The following FAM76A variants were observed in gnomAD, a reference collection of about 807,000 sequenced individuals.
FAM76A encodes the protein protein FAM76A.
A neutral mutation model predicts 46.2 loss-of-function variants in FAM76A; 32 were observed. That is an observed-to-expected ratio of 0.69 (90% CI 0.52 to 0.93). The LOEUF (loss-of-function observed/expected upper bound fraction) is 0.93. Among genes scored for constraint, FAM76A ranks in the 40% least tolerant of loss-of-function variants. The pLI is 0.00. For missense variants in FAM76A, 274 were observed against 361.5 expected, an observed-to-expected ratio of 0.76 and a Z score of 1.96; for synonymous variants, 137 against 127.0, an observed-to-expected ratio of 1.08 and a Z score of -0.53.
At chr1:27,738,318 C>T (rs907909511) in intron 4 of FAM76A, among the ~76,000 whole-genome samples, 3 of 151,494 alleles carry the variant, frequency 2.0e-5, no homozygotes, top group Admixed American at 6.6e-5. Context: ...GGTGAAACCC[C>T]GTCTCTACTA....
intron 3 of FAM76A, among the ~76,000 whole-genome samples, chr1:27,733,604 T>C (rs997607355): frequency 6.6e-6 from 1 of 152,030 alleles, no homozygotes; most frequent in Non-Finnish European, 1.5e-5. Context: ...TCCCAGCACA[T>C]TGGGAGGCTG....
At chr1:27,756,447 T>A (rs950430684) in intron 7 of FAM76A, among the ~76,000 whole-genome samples, 1 of 151,914 alleles carries the variant, frequency 6.6e-6, no homozygotes, top group Non-Finnish European at 1.5e-5. Context: ...CCTGCCACCA[T>A]GCCTGGCTAA....
chr1:27,744,904 T>C (rs908067037), intron 5 of FAM76A, 93 bp downstream of exon 5: 7 of 1,241,738 alleles, frequency 5.6e-6, no homozygotes, highest in Admixed American at 4.5e-5. Context: ...CCATCTCATA[T>C]ACATTTTCTA....
chr1:27,727,215 G>C (rs2087875625), intron 1 of FAM76A, among the ~76,000 whole-genome samples: 1 of 152,164 alleles, frequency 6.6e-6, no homozygotes, highest in South Asian at 2.1e-4. Flanking sequence ...TTCCCAGTCT[G>C]GGACTTGTTC....
chr1:27,745,269 C>G (rs1557782370), intron 5 of FAM76A, among the ~76,000 whole-genome samples: 3 of 151,972 alleles, frequency 2.0e-5, no homozygotes, highest in Admixed American at 2.0e-4. Flanking sequence ...GGTTCTGGCT[C>G]TGGATGGAAT....
chr1:27,760,346 G>T, intron 8 of FAM76A, 149 bp from the exon 9 acceptor site: 1 of 572,200 alleles, frequency 1.7e-6, no homozygotes, highest in Non-Finnish European at 3.1e-6. Context: ...TCAAGCCCTA[G>T]AGCTTCCTGT....
At position 27,751,888 on chromosome 1, in the gene FAM76A, C is replaced by T. The variant is rs143531466; in HGVS notation, c.599+2734C>T. ...GCGCAATTATGGCTCACTGCAGCCT[C>T]GACCTCCTGGACTCAAACGATCCTC... On this transcript the variant is annotated intron_variant, in intron 6 of 8. Transcript: ENST00000373954. 1.9e-3 allele frequency among the ~76,000 whole-genome samples: 291 copies of T among 152,054 alleles called. 1 individual carries two copies. The highest frequency in any genetic ancestry group is 6.2e-3 in the African/African-American group (257 of 41,488).
intron 7 of FAM76A, among the ~76,000 whole-genome samples, chr1:27,757,533 A>T (rs2088431964): frequency 6.6e-6 from 1 of 151,998 alleles, no homozygotes; most frequent in Non-Finnish European, 1.5e-5. Flanking sequence ...ACAGCCAGCT[A>T]ATTTTTGTAT....
intron 1 of FAM76A, 39 bp from the exon 2 acceptor site, chr1:27,727,433 G>A (rs1314226414): frequency 6.3e-6 from 10 of 1,584,244 alleles, no homozygotes; most frequent in Non-Finnish European, 7.8e-6. Context: ...GTTTCCATTT[G>A]TGACTGCCTT....
At chr1:27,740,760 A>C (rs2088137598) in intron 4 of FAM76A, 1 of 365,884 alleles carries the variant, frequency 2.7e-6, no homozygotes, top group South Asian at 3.1e-5. Flanking sequence ...CTAATGATTA[A>C]AATTGATTGT....
chr1:27,728,656 T>G (rs577132633), intron 2 of FAM76A, among the ~76,000 whole-genome samples: 13 of 152,254 alleles, frequency 8.5e-5, no homozygotes, highest in African/African-American at 3.1e-4. Flanking sequence ...CCTGGGCAAA[T>G]CTCATTTTTA....
Position 27,762,108 on chromosome 1 carries a change from C to T in FAM76A, c.*1527C>T, listed in dbSNP as rs1257704853. 6.6e-6 allele frequency: 1 copy of T among 152,202 alleles called. No homozygotes were observed. The highest frequency in any genetic ancestry group is 2.4e-5 in the African/African-American group (1 of 41,446). 9.4% of individuals were successfully genotyped at this position (152,202 alleles called of 1,614,324 possible). ...CTCCTCACCCACCCGAGCCCATACA[C>T]TCCCTGCTTTTCATGGATATGTATT... On this transcript the variant is annotated 3_prime_UTR_variant, in exon 9 of 9. Coordinates refer to ENST00000373954, the MANE Select transcript of FAM76A (RefSeq NM_152660.3).
At chr1:27,743,889 T>A (rs1486336365) in intron 4 of FAM76A, among the ~76,000 whole-genome samples, 1 of 151,820 alleles carries the variant, frequency 6.6e-6, no homozygotes, top group African/African-American at 2.4e-5. Flanking sequence ...TGTAGTGTAC[T>A]ACAATCACAC....
rs551455260 is a variant in FAM76A, at chr1:27,740,608, A to G, written c.355-4046A>G. On this transcript the variant is annotated intron_variant, in intron 4 of 8. Coordinates refer to ENST00000373954, the MANE Select transcript of FAM76A (RefSeq NM_152660.3). ...GAAATATATGTTCAGAAGCCACTCA[A>G]AAACATTCTCTTGATCAGTGAGACC... The G allele has an allele frequency of 1.9e-5, 14 of 755,354 alleles. No homozygotes were observed. In the African/African-American group the frequency reaches 1.9e-4, roughly 10 times the overall value. The allele number at this position is 755,354 out of a possible 1,614,324, so 46.8% of individuals were successfully genotyped here. A position where few individuals can be genotyped will look rare whatever the true frequency, so the allele number is the denominator to read the frequency against.
chr1:27,756,661 T>C (rs970817652), intron 7 of FAM76A, among the ~76,000 whole-genome samples: 5 of 152,180 alleles, frequency 3.3e-5, no homozygotes, highest in African/African-American at 1.2e-4. Flanking sequence ...CACATTAATA[T>C]CTTCAGAATA....
chr1:27,752,455 T>TA (rs754862165), intron 6 of FAM76A, among the ~76,000 whole-genome samples: 9 of 152,218 alleles, frequency 5.9e-5, no homozygotes, highest in Non-Finnish European at 8.8e-5. Flanking sequence ...CTCTAGAAAA[T>TA]ACACTGGCTA....
chr1:27,743,405 C>G (rs1300912934), intron 4 of FAM76A, among the ~76,000 whole-genome samples: 1 of 152,188 alleles, frequency 6.6e-6, no homozygotes, highest in African/African-American at 2.4e-5. Flanking sequence ...CCACCTGCCT[C>G]AGCTTCCTGA....
intron 2 of FAM76A, among the ~76,000 whole-genome samples, chr1:27,732,098 A>G (rs2087967147): frequency 6.6e-6 from 1 of 152,204 alleles, no homozygotes; most frequent in South Asian, 2.1e-4. Context: ...CTGGGATTAT[A>G]GGCGTGAGCC....
intron 4 of FAM76A, chr1:27,740,435 G>A (rs989319240): frequency 6.1e-6 from 9 of 1,472,382 alleles, no homozygotes; most frequent in Admixed American, 5.1e-5. Context: ...ACTGGTTGAG[G>A]ACCCAGTTCC....
Sources: allele counts gnomAD v4.1 joint callset (sites outside exome capture counted in the v4.1 genomes callset), GRCh38; gene constraint gnomAD v4.1.1; transcripts MANE v1.5; gene names NCBI Gene and HGNC (gene_info 2026-07-23, HGNC 2026-07-21).